The following ZFAND5 variants were observed in gnomAD, a reference collection of about 807,000 sequenced individuals.
The protein encoded by ZFAND5 is zinc finger AN1-type containing 5.
Under a neutral mutation model 23.6 loss-of-function variants are expected in ZFAND5, and 4 were observed. The ratio of observed to expected loss-of-function variants is 0.17; its 90% CI spans 0.08 to 0.39. The LOEUF (loss-of-function observed/expected upper bound fraction) is 0.39. ZFAND5 is among the 10% of genes least tolerant of loss of function. ZFAND5 has a pLI of 1.00. For synonymous variants in ZFAND5, 68 were observed against 80.6 expected, an observed-to-expected ratio of 0.84 and a Z score of 0.84; for missense variants, 161 against 253.7, an observed-to-expected ratio of 0.63 and a Z score of 2.48.
At position 72,351,619 on chromosome 9, in the gene ZFAND5, C is replaced by T. The variant is rs1384781719; in HGVS notation, c.*4334G>A. Reference sequence around the variant, plus strand: ...TTTTTTTTTTTTTACATTTGCTACACGGTATTTATTCAATGACTGTATATT... The same window carrying T: ...TTTTTTTTTTTTTACATTTGCTACATGGTATTTATTCAATGACTGTATATT... On this transcript the variant is annotated 3_prime_UTR_variant, in exon 7 of 7. Transcript: ENST00000376962. The T allele has an allele frequency of 2.8e-5, 4 of 143,240 alleles. No individual in the cohort carries two copies. The highest frequency in any genetic ancestry group is 7.6e-5 in the African/African-American group (3 of 39,404). The allele number at this position is 143,240 out of a possible 1,614,324, so 8.9% of individuals were successfully genotyped here. A position where few individuals can be genotyped will look rare whatever the true frequency, so the allele number is the denominator to read the frequency against.
chr9:72,364,424 G>C (rs1329318552), intron 1 of ZFAND5: 7 of 1,259,030 alleles, frequency 5.6e-6, no homozygotes, highest in Non-Finnish European at 7.2e-6. Context: ...CTAGAGGCCG[G>C]CCCCGCAGAG....
At chr9:72,357,168 GT>G in intron 5 of ZFAND5, 112 bp from the exon 6 acceptor site, 1 of 1,286,876 alleles carries the variant, frequency 7.8e-7, no homozygotes, top group African/African-American at 1.5e-5. Flanking sequence ...ATGTTTATAA[GT>G]ATTCCTTGAA....
chr9:72,364,527 T>A, intron 1 of ZFAND5, 169 bp downstream of exon 1: 1 of 1,279,062 alleles, frequency 7.8e-7, no homozygotes, highest in Non-Finnish European at 1.0e-6. Flanking sequence ...GGATGACGCC[T>A]CCGTCTTTGT....
rs1335847115 is a variant in ZFAND5 at position 72,353,890 on chromosome 9, A to C, written c.*2063T>G. ...CATATGTACCTCCCTAACTTGAAGC[A>C]AAAGTAGCAGCATGCAAAGAACTGA... is the stretch of plus-strand genomic sequence containing the variant. On this transcript the variant is annotated 3_prime_UTR_variant, in exon 7 of 7. Coordinates refer to ENST00000376962, the MANE Select transcript of ZFAND5 (RefSeq NM_001102420.3). 1.3e-5 allele frequency: 2 copies of C among 152,348 alleles called. No homozygotes were observed. Among genetic ancestry groups the C allele is most frequent in the South Asian group, 4.1e-4 (2 of 4,830 alleles). 9.4% of individuals were successfully genotyped at this position (152,348 alleles called of 1,614,324 possible).
Position 72,360,793 on chromosome 9 carries a change from G to C in ZFAND5, c.-9-6C>G. On this transcript the variant is annotated splice_polypyrimidine_tract_variant and splice_region_variant and intron_variant, in intron 2 of 6. Transcript: ENST00000376962. ...TCCTGAGCCATATTTTTCTGCTATA[G>C]ATGAAACGAAATTTCAGAAATTAGT... 6.3e-7 allele frequency: 1 copy of C among 1,586,782 alleles called. No homozygotes were observed. The highest frequency in any genetic ancestry group is 1.8e-5 in the Admixed American group (1 of 56,034).
At chr9:72,360,286 G>T in intron 3 of ZFAND5, 65 bp from the exon 4 acceptor site, 4 of 1,335,580 alleles carry the variant, frequency 3.0e-6, no homozygotes, top group Non-Finnish European at 4.2e-6. Flanking sequence ...GTATCAAGAC[G>T]TAGTAATAAA....
chr9:72,357,771 C>A (rs148787326), intron 5 of ZFAND5, among the ~76,000 whole-genome samples: 2 of 152,170 alleles, frequency 1.3e-5, no homozygotes, highest in African/African-American at 2.4e-5. Context: ...CTAAAATGGG[C>A]ATCCACTATC....
chr9:72,354,315 C>T lies in ZFAND5; in HGVS notation c.*1638G>A, dbSNP rs1284457428. The T allele has an allele frequency of 1.3e-5, 2 of 152,206 alleles. No individual in the cohort carries two copies. Among genetic ancestry groups the T allele is most frequent in the South Asian group, 2.1e-4 (1 of 4,830 alleles). The allele number at this position is 152,206 out of a possible 1,614,324, so 9.4% of individuals were successfully genotyped here. A position where few individuals can be genotyped will look rare whatever the true frequency, so the allele number is the denominator to read the frequency against. ...CTATCAGGTATCATACCTGCAAATG[C>T]TTCTAATATCTCTTGATTATCACTT... is the stretch of plus-strand genomic sequence containing the variant. On this transcript the variant is annotated 3_prime_UTR_variant, in exon 7 of 7. Transcript: ENST00000376962.
Position 72,355,696 on chromosome 9 carries a change from C to T in ZFAND5, c.*257G>A. ...GGGAACTACATTTTGTTCCTATTAT[C>T]TGTGTGTTTCACTTTGCTGTGCAGA... On this transcript the variant is annotated 3_prime_UTR_variant, in exon 7 of 7. Coordinates refer to ENST00000376962, the MANE Select transcript of ZFAND5 (RefSeq NM_001102420.3). 3.4e-6 allele frequency: 1 copy of T among 292,444 alleles called. No homozygotes were observed. The highest frequency in any genetic ancestry group is 8.9e-5 in the South Asian group (1 of 11,178). 18.1% of individuals were successfully genotyped at this position (292,444 alleles called of 1,614,324 possible).
chr9:72,357,482 T>G (rs1196197115), intron 5 of ZFAND5, among the ~76,000 whole-genome samples: 2 of 152,142 alleles, frequency 1.3e-5, no homozygotes, highest in African/African-American at 4.8e-5. Flanking sequence ...TAGCCAACTT[T>G]GATTTTATGC....
intron 4 of ZFAND5, 72 bp from the exon 5 acceptor site, chr9:72,359,593 T>C: frequency 3.0e-6 from 4 of 1,345,796 alleles, no homozygotes; most frequent in East Asian, 4.7e-5. Flanking sequence ...AAGTTGTCAG[T>C]TCAACTTTAA....
In ZFAND5 at chr9:72,360,188, T is replaced by C; in HGVS notation, c.185A>G (p.Asp62Gly). The C allele has an allele frequency of 6.2e-7, 1 of 1,613,166 alleles. No individual in the cohort carries two copies. The highest frequency in any genetic ancestry group is 8.5e-7 in the Non-Finnish European group (1 of 1,179,412). The change falls in exon 4 of 7, where the codon GAT becomes GGT. Residue 62 changes from aspartate (D) to glycine (G), a missense_variant. Asp to Gly is a moderately conservative substitution (Grantham distance 94). Around this residue, in one of 3 missense-constraint regions of ZFAND5, gnomAD observed 116 missense variants for 115.2 expected, o/e 1.01. Transcript: ENST00000376962. ...GTCTGCTCTCTGTACAGATGCAGAATCTGAGGTAGGACTGTTGGAACCACT... is the reference window on the plus strand; with the variant it reads ...GTCTGCTCTCTGTACAGATGCAGAACCTGAGGTAGGACTGTTGGAACCACT... ...TASGSNSPTS[D>G]SASVQRADTS...
At position 72,354,889 on chromosome 9, in the gene ZFAND5, CAAG is replaced by C. The variant is rs1323146529; in HGVS notation, c.*1061_*1063del. 6.6e-6 allele frequency: 1 copy of C among 152,566 alleles called. No homozygotes were observed. The highest frequency in any genetic ancestry group is 2.4e-5 in the African/African-American group (1 of 41,416). 9.5% of individuals were successfully genotyped at this position (152,566 alleles called of 1,614,324 possible). A position where few individuals can be genotyped will look rare whatever the true frequency, so the allele number is the denominator to read the frequency against. On this transcript the variant is annotated 3_prime_UTR_variant, in exon 7 of 7. Coordinates refer to ENST00000376962, the MANE Select transcript of ZFAND5 (RefSeq NM_001102420.3). ...GATAATGCAGCCCATGCAATACACC[CAAG>C]AACACTAGAGTCCTACACCCAAGTA...
At chr9:72,359,368 T>C in intron 5 of ZFAND5, 50 bp downstream of exon 5, 1 of 1,579,318 alleles carries the variant, frequency 6.3e-7, no homozygotes, top group Non-Finnish European at 8.6e-7. Context: ...ACCAGCCATT[T>C]CTTGCACTAT....
At chr9:72,363,237 T>C (rs1418217092) in intron 2 of ZFAND5, among the ~76,000 whole-genome samples, 1 of 152,216 alleles carries the variant, frequency 6.6e-6, no homozygotes, top group East Asian at 1.9e-4. Context: ...TTACTATTTA[T>C]TGCCTTTAAA....
chr9:72,357,163 T>C (rs1245496527), intron 5 of ZFAND5, 107 bp from the exon 6 acceptor site: 12 of 1,334,216 alleles, frequency 9.0e-6, no homozygotes, highest in South Asian at 1.5e-5. Context: ...TAAAAATGTT[T>C]ATAAGTATTC....
Position 72,364,919 on chromosome 9 carries a change from T to TGGGAGGAGGGAAGCGAGGGGGGGCCG in ZFAND5, c.-396_-371dup, listed in dbSNP as rs1842221762. ...CCGGGACACGCCGGAGCTCGGGAAG[T>TGGGAGGAGGGAAGCGAGGGGGGGCCG]GGGAGGAGGGAAGCGAGGGGGGGCC... On this transcript the variant is annotated 5_prime_UTR_variant, in exon 1 of 7. Coordinates refer to ENST00000376962, the MANE Select transcript of ZFAND5 (RefSeq NM_001102420.3). 6.6e-6 allele frequency: 1 copy of TGGGAGGAGGGAAGCGAGGGGGGGCCG among 151,384 alleles called. No individual in the cohort carries two copies. Among genetic ancestry groups the TGGGAGGAGGGAAGCGAGGGGGGGCCG allele is most frequent in the Non-Finnish European group, 1.5e-5 (1 of 68,184 alleles). The allele number at this position is 151,384 out of a possible 1,614,324, so 9.4% of individuals were successfully genotyped here. A position where few individuals can be genotyped will look rare whatever the true frequency, so the allele number is the denominator to read the frequency against.
intron 1 of ZFAND5, chr9:72,364,404 G>A (rs943129760): frequency 2.5e-6 from 3 of 1,204,844 alleles, no homozygotes; most frequent in African/African-American, 3.4e-5. Context: ...CCGCCGCGGA[G>A]GCGAGCGGCC....
Position 72,356,966 on chromosome 9 carries a change from C to T in ZFAND5, c.458G>A (p.Arg153Lys), listed in dbSNP as rs1841961165. The T allele has an allele frequency of 6.2e-7, 1 of 1,613,112 alleles. No individual in the cohort carries two copies. Among genetic ancestry groups the T allele is most frequent in the African/African-American group, 1.3e-5 (1 of 74,852 alleles). Residue 153 changes from arginine (R) to lysine (K), a missense_variant, in exon 6 of 7, where the codon AGA (arginine) becomes AAA (lysine). Coordinates refer to ENST00000376962, the MANE Select transcript of ZFAND5 (RefSeq NM_001102420.3). ...APELPKPKKN[R>K]CFMCRKKVGL... The stretch of plus-strand genomic sequence containing the variant: ...AACTTTCTTTCTGCACATGAAACAT[C>T]TGTTTTTCTTTGGTTTGGGCAATTC...
Sources: allele counts gnomAD v4.1 joint callset (sites outside exome capture counted in the v4.1 genomes callset), GRCh38; gene constraint gnomAD v4.1.1; regional missense constraint gnomAD v4.1.1; transcripts MANE v1.5; gene names NCBI Gene and HGNC (gene_info 2026-07-23, HGNC 2026-07-21).